The following N4BP2L1 variants were observed in gnomAD, a reference collection of about 807,000 sequenced individuals.
The protein encoded by N4BP2L1 is NEDD4 binding protein 2 like 1, also known as NEDD4-binding protein 2-like 1.
In N4BP2L1, 12 loss-of-function variants were observed where a neutral mutation model predicts 21.2. The ratio of observed to expected loss-of-function variants is 0.57; its 90% confidence interval spans 0.36 to 0.92. The LOEUF (loss-of-function observed/expected upper bound fraction) is 0.92. N4BP2L1 is among the 40% of genes least tolerant of loss of function. The pLI, the probability that N4BP2L1 is intolerant of heterozygous loss-of-function variation, is 0.01. For synonymous variants in N4BP2L1, 104 were observed against 112.8 expected, an observed-to-expected ratio of 0.92 and a Z score of 0.49; for missense variants, 259 against 310.6, an observed-to-expected ratio of 0.83 and a Z score of 1.25.
Position 32,402,217 on chromosome 13 carries a change from T to TCAG in N4BP2L1, c.*722_*724dup. ...TATTAGCACAACAGCCAAAAGTTATTCAGGTTTAATCCTGCTGAATAAAGT... is the reference window on the plus strand; with the variant it reads ...TATTAGCACAACAGCCAAAAGTTATTCAGCAGGTTTAATCCTGCTGAATAAAGT... On this transcript the variant is annotated 3_prime_UTR_variant, in exon 5 of 5. Coordinates refer to ENST00000380130, the MANE Select transcript of N4BP2L1 (RefSeq NM_052818.3). 1 of 965,908 alleles carries TCAG rather than the reference T, an allele frequency of 1.0e-6. No homozygotes were observed. The highest frequency in any genetic ancestry group is 1.2e-6 in the Non-Finnish European group (1 of 812,138). The allele number at this position is 965,908 out of a possible 1,614,324, so 59.8% of individuals were successfully genotyped here.
At chr13:32,418,176 G>T (rs1409623150) in intron 1 of N4BP2L1, among the ~76,000 whole-genome samples, 1 of 152,178 alleles carries the variant, frequency 6.6e-6, no homozygotes, top group Non-Finnish European at 1.5e-5. Flanking sequence ...AGGGAAAAAT[G>T]GTTTCATGAG....
rs545897153 is a variant in N4BP2L1 at position 32,408,527 on chromosome 13, G to C, written c.180-755C>G. On this transcript the variant is annotated intron_variant, in intron 1 of 4. Transcript: ENST00000380130. ...AAAATGAATACGCTTATTCAGTTCT[G>C]CACAAAAGAACTTCAAAGAGAAGAT... Among the ~76,000 whole-genome samples, 5 of 152,252 alleles carry C rather than the reference G, an allele frequency of 3.3e-5. No homozygotes were observed. The South Asian group carries it at 1.0e-3, about 32-fold the overall frequency.
At chr13:32,426,456 T>A (rs750755728) in intron 1 of N4BP2L1, among the ~76,000 whole-genome samples, 3 of 152,140 alleles carry the variant, frequency 2.0e-5, no homozygotes, top group Non-Finnish European at 4.4e-5. Context: ...TCTATTGAAA[T>A]GTGTCCCTGG....
chr13:32,421,216 T>C (rs190614644), intron 1 of N4BP2L1, among the ~76,000 whole-genome samples: 1 of 152,348 alleles, frequency 6.6e-6, no homozygotes, highest in Non-Finnish European at 1.5e-5. Flanking sequence ...GGAATTTACA[T>C]CATATCTCAT....
chr13:32,416,895 C>A (rs1021302171), intron 1 of N4BP2L1, among the ~76,000 whole-genome samples: 4 of 152,124 alleles, frequency 2.6e-5, no homozygotes, highest in Non-Finnish European at 5.9e-5. Flanking sequence ...CGGCTCACTG[C>A]AATCTCTGTC....
chr13:32,415,296 C>T (rs1288016093), intron 1 of N4BP2L1, among the ~76,000 whole-genome samples: 6 of 152,172 alleles, frequency 3.9e-5, no homozygotes, highest in African/African-American at 4.8e-5. Flanking sequence ...TATAGTTGGG[C>T]ACACTGCCAC....
intron 1 of N4BP2L1, among the ~76,000 whole-genome samples, chr13:32,424,474 C>T (rs1438709051): frequency 1.3e-5 from 2 of 152,244 alleles, no homozygotes; most frequent in South Asian, 2.1e-4. Flanking sequence ...CTGATTATGT[C>T]TTTCCATTGG....
At chr13:32,411,432 G>T in intron 1 of N4BP2L1, 2 of 747,720 alleles carry the variant, frequency 2.7e-6, no homozygotes, top group Non-Finnish European at 3.3e-6. Flanking sequence ...GTAGCATGTT[G>T]AATAGGCAGG....
chr13:32,419,412 A>ATTTTTTTTTTTTTTTTTT lies in N4BP2L1; in HGVS notation c.179+8474_179+8491dup, dbSNP rs71071039. 197 of 284,692 alleles carry ATTTTTTTTTTTTTTTTTT rather than the reference A, an allele frequency of 6.9e-4. 11 individuals carry two copies. The highest frequency in any genetic ancestry group is 8.1e-4 in the Non-Finnish European group (128 of 158,724). 17.6% of individuals were successfully genotyped at this position (284,692 alleles called of 1,614,324 possible). A position where few individuals can be genotyped will look rare whatever the true frequency, so the allele number is the denominator to read the frequency against. ...GGGTGCTTGCCACCATGCTTGGCTAATTTTTTTTTTTTTTTTTTTTTTTTT... is the reference window on the plus strand; with the variant it reads ...GGGTGCTTGCCACCATGCTTGGCTAATTTTTTTTTTTTTTTTTTTTTTTTTTTTTTTTTTTTTTTTTTT... On this transcript the variant is annotated intron_variant, in intron 1 of 4. Transcript: ENST00000380130.
intron 1 of N4BP2L1, among the ~76,000 whole-genome samples, chr13:32,410,588 G>A (rs907589484): frequency 8.5e-5 from 13 of 152,252 alleles, no homozygotes; most frequent in Non-Finnish European, 1.6e-4. Flanking sequence ...TTAAAGATAC[G>A]CACATCGAAA....
At chr13:32,419,535 G>A in intron 1 of N4BP2L1, 1 of 298,268 alleles carries the variant, frequency 3.4e-6, no homozygotes, top group Admixed American at 4.3e-5. Flanking sequence ...GCCTCCCAAA[G>A]TGCTGGGATT....
upstream of N4BP2L1, among the ~76,000 whole-genome samples, chr13:32,429,521 C>G (rs369028796): frequency 6.6e-5 from 10 of 152,214 alleles, no homozygotes; most frequent in African/African-American, 2.4e-4. Flanking sequence ...TCATTTTAAC[C>G]TGCACTGGCT....
At chr13:32,418,631 C>T (rs1403627502) in intron 1 of N4BP2L1, among the ~76,000 whole-genome samples, 7 of 152,184 alleles carry the variant, frequency 4.6e-5, no homozygotes, top group Non-Finnish European at 5.9e-5. Flanking sequence ...CTGGAAAAGC[C>T]GCAGACACTC....
At chr13:32,417,793 G>A (rs987357030) in intron 1 of N4BP2L1, among the ~76,000 whole-genome samples, 6 of 152,156 alleles carry the variant, frequency 3.9e-5, no homozygotes, top group African/African-American at 7.2e-5. Flanking sequence ...TCAGAGATGA[G>A]GAACTTACTG....
At chr13:32,423,767 C>A (rs528849105) in intron 1 of N4BP2L1, among the ~76,000 whole-genome samples, 1 of 152,182 alleles carries the variant, frequency 6.6e-6, no homozygotes, top group East Asian at 1.9e-4. Context: ...AGAGGTTACC[C>A]GGGGTCGGGG....
chr13:32,419,412 ATT>A (rs71071039), intron 1 of N4BP2L1: 236 of 284,472 alleles, frequency 8.3e-4, no homozygotes, highest in African/African-American at 4.0e-3. Flanking sequence ...TGCTTGGCTA[ATT>A]TTTTTTTTTT....
chr13:32,407,216 A>T (rs761251194), intron 3 of N4BP2L1, 34 bp downstream of exon 3: 1 of 1,595,560 alleles, frequency 6.3e-7, no homozygotes, highest in Admixed American at 1.7e-5. Context: ...CAAAATGTCC[A>T]TAACTGAAAA....
At chr13:32,416,911 G>C (rs1282623035) in intron 1 of N4BP2L1, among the ~76,000 whole-genome samples, 1 of 152,042 alleles carries the variant, frequency 6.6e-6, no homozygotes, top group Non-Finnish European at 1.5e-5. Flanking sequence ...CTGTCTCCTG[G>C]GTTCAAGCAA....
At chr13:32,427,825 G>C in intron 1 of N4BP2L1, 79 bp downstream of exon 1, 1 of 1,004,980 alleles carries the variant, frequency 1.0e-6, no homozygotes, top group Non-Finnish European at 1.3e-6. Flanking sequence ...CCCGGGAGCG[G>C]CTTGGGGCAG....
Sources: gnomAD v4.1 joint callset for allele counts (sites outside exome capture counted in the v4.1 genomes callset) on GRCh38, gnomAD v4.1.1 for gene constraint, MANE v1.5 for transcripts, NCBI Gene and HGNC (gene_info 2026-07-23, HGNC 2026-07-21) for gene names.